The following ALCAM variants were observed in gnomAD, a reference collection of about 807,000 sequenced individuals.
ALCAM encodes the protein activated leukocyte cell adhesion molecule, also known as CD166 antigen.
In ALCAM, 30 loss-of-function variants were observed where a neutral mutation model predicts 70.9. The observed-to-expected ratio is 0.42, with a 90% CI of 0.32 to 0.57. The LOEUF (loss-of-function observed/expected upper bound fraction) is 0.57. Ranked by LOEUF, ALCAM falls within the 20% of genes least tolerant of loss-of-function variation. The pLI is 0.11. For synonymous variants in ALCAM, 249 were observed against 242.5 expected, an observed-to-expected ratio of 1.03 and a Z score of -0.25; for missense variants, 591 against 695.1, an observed-to-expected ratio of 0.85 and a Z score of 1.68.
chr3:105,502,727 T>C (rs900475327), intron 1 of ALCAM, among the ~76,000 whole-genome samples: 6 of 152,322 alleles, frequency 3.9e-5, no homozygotes, highest in African/African-American at 1.4e-4. Context: ...GGGAAAGCAT[T>C]GTATGTCAAG....
intron 1 of ALCAM, among the ~76,000 whole-genome samples, chr3:105,435,723 A>T (rs1417705619): frequency 6.6e-6 from 1 of 152,236 alleles, no homozygotes; most frequent in Non-Finnish European, 1.5e-5. Context: ...CTTGTGTATT[A>T]GTCCATTTTT....
chr3:105,492,348 C>T (rs1268065428), intron 1 of ALCAM, among the ~76,000 whole-genome samples: 1 of 152,168 alleles, frequency 6.6e-6, no homozygotes, highest in Admixed American at 6.5e-5. Context: ...AACCATATCA[C>T]ATCTAAACCA....
chr3:105,448,298 T>C (rs569805096), intron 1 of ALCAM, among the ~76,000 whole-genome samples: 1 of 152,268 alleles, frequency 6.6e-6, no homozygotes, highest in South Asian at 2.1e-4. Flanking sequence ...CTAAACCTAC[T>C]GTAGTAACTG....
chr3:105,504,957 A>T (rs1939031645), intron 1 of ALCAM, among the ~76,000 whole-genome samples: 1 of 152,150 alleles, frequency 6.6e-6, no homozygotes, highest in Non-Finnish European at 1.5e-5. Flanking sequence ...CATTGTCCTC[A>T]ATTTTACAGC....
At chr3:105,519,461 T>C (rs916022320) in intron 1 of ALCAM, among the ~76,000 whole-genome samples, 1 of 152,062 alleles carries the variant, frequency 6.6e-6, no homozygotes, top group African/African-American at 2.4e-5. Context: ...AAATTCTTAC[T>C]ATGCTAATAT....
intron 9 of ALCAM, among the ~76,000 whole-genome samples, chr3:105,545,537 T>C (rs1166834125): frequency 2.0e-5 from 3 of 151,400 alleles, no homozygotes; most frequent in Non-Finnish European, 4.4e-5. Context: ...ATAATTGGTA[T>C]TCTGAAACTT....
chr3:105,563,703 C>G (rs1262900735), intron 14 of ALCAM, among the ~76,000 whole-genome samples: 1 of 55,212 alleles, frequency 1.8e-5, no homozygotes, highest in African/African-American at 1.1e-4. Flanking sequence ...TTTTTTGAGA[C>G]GGAGTCTCGC....
chr3:105,540,556 A>T (rs980981709), intron 7 of ALCAM, among the ~76,000 whole-genome samples: 2 of 151,988 alleles, frequency 1.3e-5, no homozygotes, highest in Non-Finnish European at 2.9e-5. Flanking sequence ...GTCATTATGT[A>T]TAATCTTGAA....
At chr3:105,494,309 A>G (rs1448622431) in intron 1 of ALCAM, among the ~76,000 whole-genome samples, 3 of 152,170 alleles carry the variant, frequency 2.0e-5, no homozygotes, top group Non-Finnish European at 4.4e-5. Flanking sequence ...CCTTCTTTTA[A>G]TCAGAGGTAT....
At chr3:105,541,875 T>A in intron 8 of ALCAM, 110 bp downstream of exon 8, 1 of 1,287,512 alleles carries the variant, frequency 7.8e-7, no homozygotes, top group Non-Finnish European at 1.1e-6. Context: ...ATAACTTGGT[T>A]GCAATAGATG....
rs1355163902 is a variant in ALCAM at position 105,488,660 on chromosome 3, GGGGAA to G, written c.74-31398_74-31394del. 4.0e-5 allele frequency among the ~76,000 whole-genome samples: 6 copies of G among 148,360 alleles called. 1 individual carries two copies. The East Asian group carries it at 1.2e-3, about 29-fold the overall frequency. The stretch of plus-strand genomic sequence containing the variant: ...AGGAAGGAAGAAAGGATGGAAGGAA[GGGGAA>G]GGGAAGGGGAAGGGAAGGGGAAGGA... On this transcript the variant is annotated intron_variant, in intron 1 of 15. Transcript: ENST00000306107.
chr3:105,557,112 G>A (rs1940536697), intron 14 of ALCAM, among the ~76,000 whole-genome samples: 1 of 151,928 alleles, frequency 6.6e-6, no homozygotes, highest in Non-Finnish European at 1.5e-5. Flanking sequence ...CTCTGACTTT[G>A]ATTGGCTACT....
At chr3:105,438,857 G>T (rs552276950) in intron 1 of ALCAM, among the ~76,000 whole-genome samples, 3 of 152,042 alleles carry the variant, frequency 2.0e-5, no homozygotes, top group Non-Finnish European at 4.4e-5. Flanking sequence ...GGGCCACAGA[G>T]TGAGATCTTG....
intron 14 of ALCAM, among the ~76,000 whole-genome samples, chr3:105,561,702 G>C (rs1484204211): frequency 6.6e-6 from 1 of 151,892 alleles, no homozygotes; most frequent in African/African-American, 2.4e-5. Flanking sequence ...AGAATCCTCA[G>C]GTTTGATAAT....
intron 1 of ALCAM, among the ~76,000 whole-genome samples, chr3:105,379,558 A>T (rs779357433): frequency 7.9e-5 from 12 of 151,862 alleles, no homozygotes; most frequent in Non-Finnish European, 1.5e-4. Context: ...TGACATTATT[A>T]TATGTGTTTC....
chr3:105,447,353 T>G (rs984240510), intron 1 of ALCAM, among the ~76,000 whole-genome samples: 2 of 152,064 alleles, frequency 1.3e-5, no homozygotes, highest in Non-Finnish European at 2.9e-5. Context: ...AGGAGTAAAT[T>G]TCAGAATTTT....
intron 1 of ALCAM, among the ~76,000 whole-genome samples, chr3:105,378,470 T>C (rs1270622891): frequency 6.6e-6 from 1 of 151,904 alleles, no homozygotes; most frequent in Non-Finnish European, 1.5e-5. Context: ...TTTTAAGGTA[T>C]AGGTTTTATA....
intron 14 of ALCAM, among the ~76,000 whole-genome samples, chr3:105,566,091 G>A (rs1940737960): frequency 6.6e-6 from 1 of 152,102 alleles, no homozygotes; most frequent in African/African-American, 2.4e-5. Flanking sequence ...GAAAATACTT[G>A]TTCTTTTATT....
chr3:105,386,977 T>C (rs531049809), intron 1 of ALCAM, among the ~76,000 whole-genome samples: 62 of 151,716 alleles, frequency 4.1e-4, no homozygotes, highest in African/African-American at 1.5e-3. Flanking sequence ...AGCCTCACCC[T>C]ACTTAAAATT....
Sources: allele counts gnomAD v4.1 joint callset (sites outside exome capture counted in the v4.1 genomes callset), GRCh38; gene constraint gnomAD v4.1.1; transcripts MANE v1.5; gene names NCBI Gene and HGNC (gene_info 2026-07-23, HGNC 2026-07-21).